The following LZTFL1 variants were observed in gnomAD, a reference collection of about 807,000 sequenced individuals.
The protein encoded by LZTFL1 is leucine zipper transcription factor-like protein 1.
A neutral mutation model predicts 45.9 loss-of-function variants in LZTFL1; 25 were observed. That is an observed-to-expected ratio of 0.54 (90% CI 0.40 to 0.76). The LOEUF (loss-of-function observed/expected upper bound fraction) is 0.76, where lower values mean the gene tolerates loss of function less well. Among genes scored for constraint, LZTFL1 ranks in the 30% least tolerant of loss-of-function variants. The probability of loss-of-function intolerance (pLI) is 0.00; values close to 1 mark genes in which losing one functional copy is unlikely to be tolerated. For missense variants in LZTFL1, 277 were observed against 331.1 expected (o/e 0.84, Z 1.27); for synonymous variants, 93 against 117.4 (o/e 0.79, Z 1.35).
chr3:45,848,457 C>T (rs35731912), intron 4 of LZTFL1, among the ~76,000 whole-genome samples: 10,805 of 152,198 alleles, frequency 0.071, 542 homozygotes, highest in South Asian at 0.27. Flanking sequence ...TACAGTATTG[C>T]GCTACACACA....
rs148893037 is a variant in LZTFL1 at position 45,901,406 on chromosome 3, G to A, written c.-215+11714C>T. 1,725 of 1,614,196 alleles carry A rather than the reference G, an allele frequency of 1.1e-3. 18 individuals are homozygous for A. In the Middle Eastern group the frequency reaches 0.012, roughly 11 times the overall value. On this transcript the variant is annotated intron_variant, in intron 2 of 4. Transcript: ENST00000472635. This position sits in a 1 kb window ranked among gnomAD's most constrained non-coding sequence, Gnocchi z 4.3. ...GCACCATGGTTTACCCTAGCGATGA[G>A]AGCACCAAACTGAAGTCAGCTGTCT...
intron 2 of LZTFL1, among the ~76,000 whole-genome samples, chr3:45,875,932 A>G (rs1701743858): frequency 6.6e-6 from 1 of 152,190 alleles, no homozygotes; most frequent in Non-Finnish European, 1.5e-5. Context: ...AGGGGAGGAA[A>G]AAATTATGGC....
chr3:45,904,873 T>C (rs933051774), intron 2 of LZTFL1, among the ~76,000 whole-genome samples: 8 of 152,194 alleles, frequency 5.3e-5, no homozygotes, highest in Non-Finnish European at 1.0e-4. Context: ...CTGGAGCTTC[T>C]TGTGGGGTCC....
At chr3:45,913,016 T>A in intron 2 of LZTFL1, 1 of 1,174,294 alleles carries the variant, frequency 8.5e-7, no homozygotes, top group South Asian at 1.4e-5. Context: ...CATCAGATAA[T>A]CTAAATTCAA....
At chr3:45,865,323 A>T (rs968652177) in intron 2 of LZTFL1, among the ~76,000 whole-genome samples, 1 of 152,264 alleles carries the variant, frequency 6.6e-6, no homozygotes, top group African/African-American at 2.4e-5. Context: ...GATACTCAGC[A>T]ACAATTCAAA....
intron 2 of LZTFL1, among the ~76,000 whole-genome samples, chr3:45,877,041 G>C (rs535717511): frequency 7.9e-5 from 12 of 152,182 alleles, no homozygotes; most frequent in South Asian, 4.2e-4. Flanking sequence ...GCAAGGGAAG[G>C]CTTCCTCAAT....
intron 2 of LZTFL1, among the ~76,000 whole-genome samples, chr3:45,888,214 T>C (rs1265102339): frequency 6.6e-6 from 1 of 152,232 alleles, no homozygotes; most frequent in African/African-American, 2.4e-5. Flanking sequence ...CCATGCTTTC[T>C]GACTTTCATG....
At chr3:45,838,097 T>G (rs758090973) in intron 1 of LZTFL1, 46 bp from the exon 2 acceptor site, 1 of 1,547,706 alleles carries the variant, frequency 6.5e-7, no homozygotes, top group Non-Finnish European at 8.7e-7. Flanking sequence ...GAAGATCTGA[T>G]CAAAGAGCCA....
chr3:45,829,578 T>C (rs1159830741), intron 7 of LZTFL1, among the ~76,000 whole-genome samples: 1 of 116,572 alleles, frequency 8.6e-6, no homozygotes, highest in East Asian at 2.3e-4. Flanking sequence ...CACTCCAGCA[T>C]GGGAAACAGA....
Position 45,825,152 on chromosome 3 carries a change from T to C in LZTFL1, c.*1162A>G, listed in dbSNP as rs906637707. 5.7e-6 allele frequency: 2 copies of C among 349,494 alleles called. No individual in the cohort carries two copies. Among genetic ancestry groups the C allele is most frequent in the African/African-American group, 4.2e-5 (2 of 47,712 alleles). The allele number at this position is 349,494 out of a possible 1,614,324, so 21.6% of individuals were successfully genotyped here. On this transcript the variant is annotated 3_prime_UTR_variant, in exon 10 of 10. Coordinates refer to ENST00000296135, the MANE Select transcript of LZTFL1 (RefSeq NM_020347.4). ...CGTTTCTTGGAATAAAATCTTCATT[T>C]GTGGAAATGGAATGATGTCTCTTAG...
At chr3:45,914,302 TTTG>T (rs1702855165) in intron 1 of LZTFL1, among the ~76,000 whole-genome samples, 2 of 151,548 alleles carry the variant, frequency 1.3e-5, no homozygotes, top group African/African-American at 4.8e-5. Context: ...TTTTTTTTTT[TTTG>T]AGACAGGGTC....
Position 45,827,463 on chromosome 3 carries a change from C to T in LZTFL1, c.778-4G>A, listed in dbSNP as rs754395562. The T allele has an allele frequency of 6.3e-7, 1 of 1,589,394 alleles. No homozygotes were observed. Among genetic ancestry groups the T allele is most frequent in the Non-Finnish European group, 8.6e-7 (1 of 1,158,140 alleles). On this transcript the variant is annotated splice_polypyrimidine_tract_variant and splice_region_variant and intron_variant, in intron 8 of 9. Coordinates refer to ENST00000296135, the MANE Select transcript of LZTFL1 (RefSeq NM_020347.4). ...GCTGAAATTTCTTTTCTAATTCCTG[C>T]TTAGTAAAAAATGTCAGCCCATTAC...
At chr3:45,828,009 C>T (rs1320691274) in intron 8 of LZTFL1, among the ~76,000 whole-genome samples, 1 of 152,016 alleles carries the variant, frequency 6.6e-6, no homozygotes, top group Non-Finnish European at 1.5e-5. Flanking sequence ...GGCCTCAACT[C>T]CCATATTCTT....
At chr3:45,899,956 T>C (rs1282286986) in intron 2 of LZTFL1, among the ~76,000 whole-genome samples, 1 of 152,176 alleles carries the variant, frequency 6.6e-6, no homozygotes, top group Non-Finnish European at 1.5e-5. Context: ...TATATATGTG[T>C]GCATGCATGA....
chr3:45,868,259 A>T (rs1485427367), intron 2 of LZTFL1, among the ~76,000 whole-genome samples: 1 of 151,628 alleles, frequency 6.6e-6, no homozygotes, highest in Non-Finnish European at 1.5e-5. Context: ...TTTCTACTGA[A>T]CCTGTGCAAG....
chr3:45,900,899 C>T lies in LZTFL1; in HGVS notation c.-215+12221G>A, dbSNP rs199659059. 6.8e-6 allele frequency: 11 copies of T among 1,614,088 alleles called. No individual in the cohort carries two copies. In the African/African-American group the frequency reaches 1.3e-4, roughly 20 times the overall value. On this transcript the variant is annotated intron_variant, in intron 2 of 4. Coordinates refer to the LZTFL1 transcript ENST00000472635. This position sits in a 1 kb window ranked among gnomAD's most constrained non-coding sequence, Gnocchi z 4.7. ...TTAACTTCAACTTCACTGACTTCTACTGTGAGAAAAACAATGTCAGGCAGT... is the reference window on the plus strand; with the variant it reads ...TTAACTTCAACTTCACTGACTTCTATTGTGAGAAAAACAATGTCAGGCAGT...
intron 2 of LZTFL1, chr3:45,897,562 C>A: frequency 1.3e-6 from 2 of 1,534,092 alleles, no homozygotes; most frequent in Non-Finnish European, 1.7e-6. Flanking sequence ...CTCCTGCAGT[C>A]TCCTCCAGGC....
chr3:45,868,975 A>G (rs899247280), intron 2 of LZTFL1, among the ~76,000 whole-genome samples: 4 of 152,200 alleles, frequency 2.6e-5, no homozygotes, highest in African/African-American at 9.6e-5. Flanking sequence ...CTGACTCAGA[A>G]TCTGTATTTT....
intron 2 of LZTFL1, among the ~76,000 whole-genome samples, chr3:45,904,654 G>A (rs1702643562): frequency 6.6e-6 from 1 of 152,164 alleles, no homozygotes; most frequent in Non-Finnish European, 1.5e-5. Context: ...GGCCATTATG[G>A]GTGGTATCTT....
Sources: gnomAD v4.1 joint callset for allele counts (sites outside exome capture counted in the v4.1 genomes callset) on GRCh38, gnomAD v4.1.1 for gene constraint, Gnocchi (gnomAD v3.1) non-coding constraint, MANE v1.5 for transcripts, NCBI Gene and HGNC (gene_info 2026-07-23, HGNC 2026-07-21) for gene names.